The following TNIP1 variants were observed in gnomAD, a reference collection of about 807,000 sequenced individuals.
TNIP1 encodes the protein TNFAIP3 interacting protein 1.
A neutral mutation model predicts 86.6 loss-of-function variants in TNIP1; 22 were observed. The observed-to-expected ratio is 0.25, with a 90% CI of 0.18 to 0.36. TNIP1 has a LOEUF of 0.36. TNIP1 is among the 10% of genes least tolerant of loss of function. The pLI is 1.00. For missense variants in TNIP1, 709 were observed against 820.6 expected (o/e 0.86, Z 1.66); for synonymous variants, 294 against 313.0 (o/e 0.94, Z 0.64).
At chr5:151,069,343 A>G (rs1454906696) in intron 1 of TNIP1, among the ~76,000 whole-genome samples, 1 of 152,212 alleles carries the variant, frequency 6.6e-6, no homozygotes, top group South Asian at 2.1e-4. Context: ...AGACCCCCCA[A>G]ATGATATTCA....
chr5:151,034,571 A>T, intron 15 of TNIP1: 1 of 305,714 alleles, frequency 3.3e-6, no homozygotes, highest in Non-Finnish European at 6.2e-6. Context: ...TGGAAACGGA[A>T]GGCTGAGCAC....
At chr5:151,044,701 G>C (rs1023693063) in intron 9 of TNIP1, among the ~76,000 whole-genome samples, 13 of 152,180 alleles carry the variant, frequency 8.5e-5, no homozygotes, top group African/African-American at 2.9e-4. Flanking sequence ...GGAACAGACA[G>C]AACAAGTGTC....
upstream of TNIP1, among the ~76,000 whole-genome samples, chr5:151,083,268 T>A (rs879805722): frequency 2.6e-5 from 4 of 152,198 alleles, no homozygotes; most frequent in Non-Finnish European, 5.9e-5. Context: ...TGAGGATAAA[T>A]TGGACAATGC....
chr5:151,037,812 G>A (rs1346773727), intron 12 of TNIP1, among the ~76,000 whole-genome samples: 1 of 152,160 alleles, frequency 6.6e-6, no homozygotes, highest in Non-Finnish European at 1.5e-5. Context: ...CTTCCACCTG[G>A]TCTCCTCAGC....
chr5:151,032,432 C>G, intron 16 of TNIP1, 49 bp from the exon 17 acceptor site: 2 of 1,549,494 alleles, frequency 1.3e-6, no homozygotes, highest in Non-Finnish European at 1.8e-6. Context: ...CCAAAAATTA[C>G]AATAGCACCT....
chr5:151,033,509 G>T (rs1324672805), intron 16 of TNIP1, 99 bp downstream of exon 16: 2 of 811,584 alleles, frequency 2.5e-6, no homozygotes, highest in Middle Eastern at 4.9e-4. Flanking sequence ...TAGTTCAGAA[G>T]GATGCAGTTT....
chr5:151,065,705 C>G (rs1005640297), intron 1 of TNIP1, among the ~76,000 whole-genome samples: 4 of 152,066 alleles, frequency 2.6e-5, no homozygotes, highest in African/African-American at 4.8e-5. Flanking sequence ...GCAAGTCAAC[C>G]CAGTCCAAAG....
At chr5:151,039,442 A>G (rs1758136470) in intron 11 of TNIP1, among the ~76,000 whole-genome samples, 1 of 152,196 alleles carries the variant, frequency 6.6e-6, no homozygotes, top group African/African-American at 2.4e-5. Flanking sequence ...AAGAAAAAGC[A>G]GTAGCTCAGT....
chr5:151,041,729 C>T (rs181463621), intron 11 of TNIP1, among the ~76,000 whole-genome samples: 6 of 152,334 alleles, frequency 3.9e-5, no homozygotes, highest in Non-Finnish European at 2.9e-5. Flanking sequence ...TCTGGCACCT[C>T]TTTCCCAGCG....
At chr5:151,078,364 G>A (rs1481765592) in intron 1 of TNIP1, 1 of 152,148 alleles carries the variant, frequency 6.6e-6, no homozygotes, top group Non-Finnish European at 1.5e-5. Context: ...ACTCAGAAGA[G>A]CCATCCACCA....
chr5:151,069,877 T>C (rs1762644698), intron 1 of TNIP1, among the ~76,000 whole-genome samples: 1 of 151,964 alleles, frequency 6.6e-6, no homozygotes, highest in African/African-American at 2.4e-5. Context: ...GGCCTCAGGA[T>C]CAAGAAGACC....
chr5:151,053,446 G>A (rs1760229929), intron 6 of TNIP1, among the ~76,000 whole-genome samples: 1 of 152,138 alleles, frequency 6.6e-6, no homozygotes, highest in African/African-American at 2.4e-5. Flanking sequence ...CCTCTATAGG[G>A]CTGCTGAGAG....
intron 9 of TNIP1, among the ~76,000 whole-genome samples, chr5:151,043,305 C>A (rs1311491772): frequency 6.6e-6 from 1 of 152,142 alleles, no homozygotes; most frequent in East Asian, 1.9e-4. Flanking sequence ...CCAATAATTC[C>A]ACTCTGAAGA....
At chr5:151,050,099 G>T in intron 7 of TNIP1, 152 bp from the exon 8 acceptor site, 1 of 1,249,552 alleles carries the variant, frequency 8.0e-7, no homozygotes, top group Non-Finnish European at 1.1e-6. Flanking sequence ...ACCAAAAAGG[G>T]CATCTTCAGC....
At chr5:151,043,689 C>T (rs936913135) in intron 9 of TNIP1, among the ~76,000 whole-genome samples, 2 of 151,794 alleles carry the variant, frequency 1.3e-5, no homozygotes, top group Non-Finnish European at 2.9e-5. Flanking sequence ...ATGGGAGGAT[C>T]ACCTGAACTT....
At chr5:151,035,819 G>A in intron 13 of TNIP1, 112 bp from the exon 14 acceptor site, 1 of 1,414,804 alleles carries the variant, frequency 7.1e-7, no homozygotes, top group Non-Finnish European at 9.6e-7. Context: ...AGAGCTGGGG[G>A]TCGCCATGGG....
chr5:151,042,441 C>T, intron 11 of TNIP1, 99 bp downstream of exon 11: 1 of 1,514,110 alleles, frequency 6.6e-7, no homozygotes, highest in South Asian at 1.2e-5. Flanking sequence ...CACTAGACCC[C>T]CGGGTCTCCT....
chr5:151,048,864 T>C (rs574049703), intron 8 of TNIP1, among the ~76,000 whole-genome samples: 47 of 152,310 alleles, frequency 3.1e-4, no homozygotes, highest in African/African-American at 1.0e-3. Flanking sequence ...ATCAGCATGT[T>C]TCCCTGGCCG....
intron 7 of TNIP1, among the ~76,000 whole-genome samples, chr5:151,050,286 A>G (rs1297059122): frequency 6.6e-6 from 1 of 152,228 alleles, no homozygotes; most frequent in Non-Finnish European, 1.5e-5. Flanking sequence ...TTTCTTGTGT[A>G]GACCACGGAG....
Sources: allele counts gnomAD v4.1 joint callset (sites outside exome capture counted in the v4.1 genomes callset), GRCh38; gene constraint gnomAD v4.1.1; transcripts MANE v1.5; gene names NCBI Gene and HGNC (gene_info 2026-07-23, HGNC 2026-07-21).